The following PPP2R2C variants were observed in gnomAD, a reference collection of about 807,000 sequenced individuals.
The protein encoded by PPP2R2C is protein phosphatase 2 regulatory subunit Bgamma, also known as protein phosphatase 2, regulatory subunit B, gamma.
PPP2R2C carries 10 observed loss-of-function variants against 45.3 expected under a neutral mutation model. That is an observed-to-expected ratio of 0.22 (90% CI 0.14 to 0.37). The LOEUF (loss-of-function observed/expected upper bound fraction) is 0.37. Among genes scored for constraint, PPP2R2C ranks in the 10% least tolerant of loss-of-function variants. The probability of loss-of-function intolerance (pLI) is 1.00; values close to 1 mark genes in which losing one functional copy is unlikely to be tolerated. For missense variants in PPP2R2C, 308 were observed against 619.7 expected, an observed-to-expected ratio of 0.50 and a Z score of 5.34; for synonymous variants, 257 against 245.4, an observed-to-expected ratio of 1.05 and a Z score of -0.44.
At chr4:6,363,778 T>C (rs76500847) in intron 5 of PPP2R2C, among the ~76,000 whole-genome samples, 5,428 of 152,042 alleles carry the variant, frequency 0.036, 286 homozygotes, top group African/African-American at 0.12. Context: ...CCGGCAAGGA[T>C]AGCCCAACTG....
rs1357277522 is a variant in PPP2R2C at position 6,368,558 on chromosome 4, G to GT, written c.625+3964dup. ...GACGGGACAGGAGGCAAGGCTCACG[G>GT]TAACGGCCAGGGAGGACTTTGCAGT... On this transcript the variant is annotated intron_variant, in intron 5 of 8. Coordinates refer to ENST00000382599, the MANE Select transcript of PPP2R2C (RefSeq NM_020416.4). This position sits in a 1 kb window ranked among gnomAD's most constrained non-coding sequence, Gnocchi z 4.2. Among the ~76,000 whole-genome samples, 2 of 152,156 alleles carry GT rather than the reference G, an allele frequency of 1.3e-5. No individual in the cohort carries two copies. The highest frequency in any genetic ancestry group is 4.8e-5 in the African/African-American group (2 of 41,436).
intron 2 of PPP2R2C, among the ~76,000 whole-genome samples, chr4:6,518,724 A>G (rs1002071314): frequency 7.2e-5 from 11 of 152,126 alleles, no homozygotes; most frequent in Non-Finnish European, 2.9e-5. Context: ...GGAGTTTGAG[A>G]CCAGCCTGGC....
At chr4:6,538,774 G>A (rs1724713722) in intron 1 of PPP2R2C, among the ~76,000 whole-genome samples, 1 of 152,236 alleles carries the variant, frequency 6.6e-6, no homozygotes. Flanking sequence ...AAAGGCAGCA[G>A]ACGCGTGGAG....
At chr4:6,542,906 G>A (rs1230821678) in intron 1 of PPP2R2C, among the ~76,000 whole-genome samples, 1 of 152,178 alleles carries the variant, frequency 6.6e-6, no homozygotes, top group South Asian at 2.1e-4. Context: ...CAGGATTCAT[G>A]TGCAGAATAT....
chr4:6,348,441 A>C (rs924008758), intron 5 of PPP2R2C, among the ~76,000 whole-genome samples: 1 of 151,954 alleles, frequency 6.6e-6, no homozygotes, highest in Non-Finnish European at 1.5e-5. Flanking sequence ...TTGGTGAATG[A>C]TTTCAAGTCT....
intron 2 of PPP2R2C, among the ~76,000 whole-genome samples, chr4:6,498,909 G>A (rs1052591052): frequency 2.6e-4 from 40 of 152,246 alleles, no homozygotes; most frequent in African/African-American, 8.9e-4. Flanking sequence ...AAGGCAGCTA[G>A]ACAGTATCAT....
chr4:6,433,368 G>C (rs4689004), intron 1 of PPP2R2C, among the ~76,000 whole-genome samples: 17,043 of 152,138 alleles, frequency 0.11, 1,375 homozygotes, highest in East Asian at 0.43. Context: ...TCCAGTGGTG[G>C]CATGAGTTTC....
Position 6,414,060 on chromosome 4 carries a change from T to C in PPP2R2C, c.71-32966A>G, listed in dbSNP as rs1195973646. On this transcript the variant is annotated intron_variant, in intron 1 of 8. Transcript: ENST00000382599. ...GAGAATTATGCATGGGACAGTAACA[T>C]AAGTTTTGCCTGTGTATGTGTGTGT... is the stretch of plus-strand genomic sequence containing the variant. 1.1e-5 allele frequency: 16 copies of C among 1,481,782 alleles called. 1 individual carries two copies. In the South Asian group the frequency reaches 2.0e-4, roughly 18 times the overall value. The allele number at this position is 1,481,782 out of a possible 1,614,324, so 91.8% of individuals were successfully genotyped here.
rs566315299 is a variant in PPP2R2C at position 6,321,845 on chromosome 4, T to C, written c.*1457A>G. 1.3e-5 allele frequency: 2 copies of C among 152,248 alleles called. No individual in the cohort carries two copies. The highest frequency in any genetic ancestry group is 4.8e-5 in the African/African-American group (2 of 41,560). The allele number at this position is 152,248 out of a possible 1,614,324, so 9.4% of individuals were successfully genotyped here. A position where few individuals can be genotyped will look rare whatever the true frequency, so the allele number is the denominator to read the frequency against. On this transcript the variant is annotated 3_prime_UTR_variant, in exon 9 of 9. Coordinates refer to ENST00000382599, the MANE Select transcript of PPP2R2C (RefSeq NM_020416.4). ...AACACCACCTTCTCTGTGGCCCTCA[T>C]TGTCAGAGGGGCAGAGTTCCCGAGG...
At chr4:6,446,701 A>T (rs897028364) in intron 1 of PPP2R2C, among the ~76,000 whole-genome samples, 1 of 152,056 alleles carries the variant, frequency 6.6e-6, no homozygotes, top group African/African-American at 2.4e-5. Context: ...GACTGGAAAT[A>T]CTGGTACACC....
At chr4:6,383,375 G>C (rs148844412) in intron 1 of PPP2R2C, 1 of 1,289,836 alleles carries the variant, frequency 7.8e-7, no homozygotes. Context: ...ACGGGGTCTC[G>C]TGTTTTTAAC....
In PPP2R2C at chr4:6,364,481, C is replaced by CG. The variant is rs1419308491; in HGVS notation, c.625+8041dup. Reference sequence around the variant, plus strand: ...TGAGCAAGGAGTGACATGATCTTGTCGTTTTTTTTTTTCTCATGTTGTAGG... The same window carrying CG: ...TGAGCAAGGAGTGACATGATCTTGTCGGTTTTTTTTTTTCTCATGTTGTAGG... On this transcript the variant is annotated intron_variant, in intron 5 of 8. Coordinates refer to ENST00000382599, the MANE Select transcript of PPP2R2C (RefSeq NM_020416.4). This position sits in a 1 kb window ranked among gnomAD's most constrained non-coding sequence, Gnocchi z 5.3. Among the ~76,000 whole-genome samples the CG allele has an allele frequency of 2.5e-3, 379 of 149,724 alleles. 1 individual carries two copies. Among genetic ancestry groups the CG allele is most frequent in the Non-Finnish European group, 4.1e-3 (275 of 67,446 alleles).
At chr4:6,383,536 C>T (rs1716010086) in intron 1 of PPP2R2C, 1 of 838,378 alleles carries the variant, frequency 1.2e-6, no homozygotes, top group African/African-American at 1.8e-5. Context: ...AGTGGCTTTC[C>T]CTGGGTACCA....
At chr4:6,444,124 G>A (rs1472864589) in intron 1 of PPP2R2C, among the ~76,000 whole-genome samples, 1 of 152,198 alleles carries the variant, frequency 6.6e-6, no homozygotes, top group Non-Finnish European at 1.5e-5. Flanking sequence ...GAAACGCTAT[G>A]GCCCACCCAG....
intron 2 of PPP2R2C, among the ~76,000 whole-genome samples, chr4:6,480,207 T>G (rs550962322): frequency 6.6e-6 from 1 of 152,314 alleles, no homozygotes; most frequent in African/African-American, 2.4e-5. Flanking sequence ...ATTTAGAAAT[T>G]TATATAAACC....
chr4:6,366,836 C>T (rs1714355427), intron 5 of PPP2R2C, among the ~76,000 whole-genome samples: 1 of 152,152 alleles, frequency 6.6e-6, no homozygotes, highest in Non-Finnish European at 1.5e-5. Context: ...GGCTGGTCAC[C>T]AAAGGCACAG....
In PPP2R2C at chr4:6,330,517, G is replaced by A. The variant is rs2109165921; in HGVS notation, c.961-1164C>T. ...GGGGGCCTTGTCCAATCAGTCGAAG[G>A]CCCTGATAGAACAAAGACAGACCTC... is the stretch of plus-strand genomic sequence containing the variant. On this transcript the variant is annotated intron_variant, in intron 7 of 8. Coordinates refer to ENST00000382599, the MANE Select transcript of PPP2R2C (RefSeq NM_020416.4). The surrounding 1 kb of genome is among the most constrained non-coding windows in gnomAD (Gnocchi z 7.0). 6.6e-6 allele frequency among the ~76,000 whole-genome samples: 1 copy of A among 152,184 alleles called. No homozygotes were observed. Among genetic ancestry groups the A allele is most frequent in the South Asian group, 2.1e-4 (1 of 4,822 alleles).
chr4:6,456,973 T>G (rs1402772179), intron 1 of PPP2R2C, among the ~76,000 whole-genome samples: 1 of 152,092 alleles, frequency 6.6e-6, no homozygotes, highest in East Asian at 1.9e-4. Flanking sequence ...TTTGGGAGGC[T>G]AAGGCGGGCA....
intron 5 of PPP2R2C, 49 bp from the exon 6 acceptor site, chr4:6,348,059 C>T: frequency 1.3e-6 from 2 of 1,592,244 alleles, no homozygotes. Context: ...GCCCTCAATG[C>T]TCCGCCTTCC....
Sources: allele counts gnomAD v4.1 joint callset (sites outside exome capture counted in the v4.1 genomes callset), GRCh38; gene constraint gnomAD v4.1.1; non-coding constraint Gnocchi (gnomAD v3.1); transcripts MANE v1.5; gene names NCBI Gene and HGNC (gene_info 2026-07-23, HGNC 2026-07-21).